Variants in API5 observed in about 807,000 individuals in gnomAD.
API5 encodes apoptosis inhibitor 5.
Under a neutral mutation model 71.9 loss-of-function variants are expected in API5, and 6 were observed. The ratio of observed to expected loss-of-function variants is 0.08; its 90% confidence interval spans 0.05 to 0.16. API5 has a LOEUF of 0.16. API5 is among the 10% of genes least tolerant of loss of function. The pLI, the probability that API5 is intolerant of heterozygous loss-of-function variation, is 1.00. For missense variants in API5, 332 were observed against 612.8 expected (o/e 0.54, Z 4.84); for synonymous variants, 189 against 221.3 (o/e 0.85, Z 1.30).
chr11:43,324,207 G>A (rs542451171), intron 6 of API5, among the ~76,000 whole-genome samples: 6 of 152,188 alleles, frequency 3.9e-5, no homozygotes, highest in East Asian at 1.9e-4. Flanking sequence ...TTGTAGAGAC[G>A]GGGCTTCCCC....
chr11:43,337,240 T>C (rs1855466864), intron 13 of API5, among the ~76,000 whole-genome samples: 1 of 152,056 alleles, frequency 6.6e-6, no homozygotes, highest in South Asian at 2.1e-4. Flanking sequence ...GGCAGGAGGA[T>C]TGCTGAAGCC....
chr11:43,328,668 A>T, intron 8 of API5, 44 bp from the exon 9 acceptor site: 1 of 1,527,622 alleles, frequency 6.5e-7, no homozygotes, highest in Non-Finnish European at 9.0e-7. Context: ...TATAATTTGA[A>T]TATGTAGAAC....
At chr11:43,333,599 C>T (rs891328783) in intron 11 of API5, among the ~76,000 whole-genome samples, 20 of 152,056 alleles carry the variant, frequency 1.3e-4, no homozygotes, top group African/African-American at 4.8e-4. Context: ...ACTATTAATA[C>T]ATTAATACAG....
At position 43,323,535 on chromosome 11, in the gene API5, G is replaced by C. The variant is rs763525132; in HGVS notation, c.649G>C (p.Val217Leu). ...TGGAAGACAGCAACTTGTAGAGTTG[G>C]TGGCTGAACAGGCCGACCTAGAACA... ...VSGRQQLVELVAEQADLEQTF... is the reference protein window; with the variant it reads ...VSGRQQLVELLAEQADLEQTF... The change falls in exon 6 of 14, where the codon GTG becomes CTG. Residue 217 changes from valine to leucine, a missense_variant. Around this residue, in one of 3 missense-constraint regions of API5, gnomAD observed 37 missense variants for 31.3 expected, o/e 1.18. Coordinates refer to ENST00000531273, the MANE Select transcript of API5 (RefSeq NM_001142930.2). 2 of 1,614,156 alleles carry C rather than the reference G, an allele frequency of 1.2e-6. No individual in the cohort carries two copies. Among genetic ancestry groups the C allele is most frequent in the Non-Finnish European group, 1.7e-6 (2 of 1,180,002 alleles).
chr11:43,341,088 T>C (rs903493856), intron 13 of API5, among the ~76,000 whole-genome samples: 1 of 151,942 alleles, frequency 6.6e-6, no homozygotes, highest in African/African-American at 2.4e-5. Context: ...GCAAAACAAA[T>C]CTAGATTAAA....
At chr11:43,312,336 C>T (rs1479987121) in intron 1 of API5, 140 bp downstream of exon 1, 3 of 869,826 alleles carry the variant, frequency 3.4e-6, no homozygotes, top group East Asian at 2.7e-5. Flanking sequence ...GCCGTCTCGT[C>T]GGGGTGGGCC....
At chr11:43,326,144 G>C (rs1389450569) in intron 6 of API5, among the ~76,000 whole-genome samples, 1 of 152,042 alleles carries the variant, frequency 6.6e-6, no homozygotes, top group African/African-American at 2.4e-5. Flanking sequence ...ACATTTCTTT[G>C]GTTAATAGTA....
chr11:43,318,310 A>AT, intron 1 of API5: 2 of 1,065,236 alleles, frequency 1.9e-6, no homozygotes, highest in Non-Finnish European at 2.7e-6. Context: ...CGCCTGGCCC[A>AT]TTACAAATTT....
At chr11:43,335,743 A>G (rs1317330878) in intron 12 of API5, 115 bp from the exon 13 acceptor site, 2 of 1,194,482 alleles carry the variant, frequency 1.7e-6, no homozygotes, top group African/African-American at 3.1e-5. Flanking sequence ...CTTTTTTCTG[A>G]TGAGATTATC....
intron 10 of API5, 58 bp downstream of exon 10, chr11:43,330,116 T>C: frequency 7.3e-7 from 1 of 1,373,900 alleles, no homozygotes; most frequent in African/African-American, 1.4e-5. Flanking sequence ...CTATATAGAC[T>C]TGTGTTGGGA....
At chr11:43,322,193 A>G in intron 5 of API5, 57 bp downstream of exon 5, 1 of 1,488,408 alleles carries the variant, frequency 6.7e-7, no homozygotes, top group Non-Finnish European at 9.0e-7. Context: ...CATACTTGAC[A>G]TTGGCAGTAT....
intron 1 of API5, among the ~76,000 whole-genome samples, chr11:43,318,028 G>A (rs957665232): frequency 6.8e-6 from 1 of 148,028 alleles, no homozygotes; most frequent in Non-Finnish European, 1.5e-5. Context: ...TTGTTTTTTG[G>A]AGACAGAGTC....
At chr11:43,316,324 CT>C in intron 1 of API5, among the ~76,000 whole-genome samples, 1 of 151,872 alleles carries the variant, frequency 6.6e-6, no homozygotes, top group Non-Finnish European at 1.5e-5. Flanking sequence ...TTAATGATTC[CT>C]TTTTATTTGA....
chr11:43,335,224 C>T, intron 11 of API5, 54 bp from the exon 12 acceptor site: 1 of 1,318,722 alleles, frequency 7.6e-7, no homozygotes, highest in South Asian at 1.2e-5. Flanking sequence ...CTCACCACCA[C>T]TCCCTGCCAC....
chr11:43,320,730 TTA>T, intron 2 of API5, 89 bp from the exon 3 acceptor site: 7 of 1,143,496 alleles, frequency 6.1e-6, no homozygotes, highest in Non-Finnish European at 8.9e-6. Context: ...TACCTTGTCT[TTA>T]AAAAAAAAAA....
intron 1 of API5, among the ~76,000 whole-genome samples, chr11:43,312,407 T>TCCTTGCCTC (rs1448793742): frequency 5.9e-5 from 9 of 152,252 alleles, no homozygotes; most frequent in African/African-American, 1.9e-4. Context: ...GTTCCAGGCT[T>TCCTTGCCTC]CCTTGCCTCC....
At chr11:43,316,745 C>T (rs1283786517) in intron 1 of API5, among the ~76,000 whole-genome samples, 2 of 152,154 alleles carry the variant, frequency 1.3e-5, no homozygotes, top group African/African-American at 2.4e-5. Flanking sequence ...GCCTTTATCG[C>T]CTGGGCTCAA....
intron 1 of API5, among the ~76,000 whole-genome samples, chr11:43,314,187 A>G (rs1377072911): frequency 3.9e-5 from 6 of 152,134 alleles, no homozygotes; most frequent in African/African-American, 1.2e-4. Flanking sequence ...GATATTCTCA[A>G]TCGTATAATT....
chr11:43,313,672 TC>T (rs1430743924), intron 1 of API5, among the ~76,000 whole-genome samples: 1 of 152,234 alleles, frequency 6.6e-6, no homozygotes, highest in African/African-American at 2.4e-5. Flanking sequence ...TGATTTTTTT[TC>T]CTTCATTCCC....
Sources: allele counts gnomAD v4.1 joint callset (sites outside exome capture counted in the v4.1 genomes callset), GRCh38; gene constraint gnomAD v4.1.1; regional missense constraint gnomAD v4.1.1; transcripts MANE v1.5; gene names NCBI Gene and HGNC (gene_info 2026-07-23, HGNC 2026-07-21).